Variants in CCDC134 observed in about 807,000 individuals in gnomAD.
The protein encoded by CCDC134 is coiled-coil domain containing 134.
A neutral mutation model predicts 25.6 loss-of-function variants in CCDC134; 27 were observed. The observed-to-expected ratio is 1.05, with a 90% confidence interval of 0.78 to 1.45. The LOEUF (loss-of-function observed/expected upper bound fraction) is 1.45, where lower values mean the gene tolerates loss of function less well. CCDC134 is among the 40% of genes most tolerant of loss of function. The pLI is 0.00. For missense variants in CCDC134, 261 were observed against 286.7 expected (o/e 0.91, Z 0.65); for synonymous variants, 110 against 115.0 (o/e 0.96, Z 0.28).
Position 41,826,463 on chromosome 22 carries a change from C to A in CCDC134, c.*640C>A, listed in dbSNP as rs191226652. On this transcript the variant is annotated 3_prime_UTR_variant, in exon 7 of 7. Coordinates refer to ENST00000255784, the MANE Select transcript of CCDC134 (RefSeq NM_024821.5). ...GGTCCTACGCCATCACTGCCCTTGA[C>A]AAATGATTGGTGTTGGGAAAGGACC... 6.1e-3 allele frequency among the ~76,000 whole-genome samples: 936 copies of A among 152,338 alleles called. 8 individuals carry two copies. Among genetic ancestry groups the A allele is most frequent in the Non-Finnish European group, 7.5e-3 (508 of 68,022 alleles).
At chr22:41,820,864 T>C (rs908283807) in intron 6 of CCDC134, among the ~76,000 whole-genome samples, 3 of 152,036 alleles carry the variant, frequency 2.0e-5, no homozygotes, top group African/African-American at 7.3e-5. Context: ...GCTGGACTTA[T>C]AAATGTGAGA....
At chr22:41,823,948 C>A (rs537573229) in intron 6 of CCDC134, among the ~76,000 whole-genome samples, 1 of 152,316 alleles carries the variant, frequency 6.6e-6, no homozygotes, top group African/African-American at 2.4e-5. Flanking sequence ...TGAACTAAAC[C>A]ACTTTATTCG....
At chr22:41,809,405 T>A (rs1156769402) in intron 2 of CCDC134, among the ~76,000 whole-genome samples, 1 of 152,134 alleles carries the variant, frequency 6.6e-6, no homozygotes, top group Non-Finnish European at 1.5e-5. Flanking sequence ...GGGGAGAAAG[T>A]ATCCAAACAA....
chr22:41,804,169 T>C (rs1602233061), intron 1 of CCDC134, among the ~76,000 whole-genome samples: 1 of 152,272 alleles, frequency 6.6e-6, no homozygotes, highest in South Asian at 2.1e-4. Flanking sequence ...CAAAATGATA[T>C]GGAATCTTGT....
chr22:41,825,630 G>T lies in CCDC134; in HGVS notation c.565-68G>T. On this transcript the variant is annotated intron_variant, in intron 6 of 6. Transcript: ENST00000255784. The surrounding 1 kb of genome is among the most constrained non-coding windows in gnomAD (Gnocchi z 4.4). ...ACCTTCCTATTCCCACACCCCGCTG[G>T]TGGCCTAGCTCAGAGCAGGCTCTTT... 6.3e-7 allele frequency: 1 copy of T among 1,592,280 alleles called. No individual in the cohort carries two copies. Among genetic ancestry groups the T allele is most frequent in the Non-Finnish European group, 8.6e-7 (1 of 1,167,144 alleles).
rs373315857 is a variant in CCDC134, at chr22:41,818,658, G to A, written c.564+4836G>A. 1.1e-4 allele frequency among the ~76,000 whole-genome samples: 17 copies of A among 152,310 alleles called. No homozygotes were observed. In the East Asian group the frequency reaches 1.9e-3, roughly 17 times the overall value. Reference sequence around the variant, plus strand: ...TGGCTTTGCTTTATGTGGCAGAGTCGGGGATGCTGTTTCCTCAGTGGGGTA... The same window carrying A: ...TGGCTTTGCTTTATGTGGCAGAGTCAGGGATGCTGTTTCCTCAGTGGGGTA... On this transcript the variant is annotated intron_variant, in intron 6 of 6. Coordinates refer to ENST00000255784, the MANE Select transcript of CCDC134 (RefSeq NM_024821.5).
At position 41,829,779 on chromosome 22, in the gene CCDC134, T is replaced by C. The variant is rs573793398; in HGVS notation, c.*3956T>C. 8.1e-4 allele frequency among the ~76,000 whole-genome samples: 123 copies of C among 152,082 alleles called. No individual in the cohort carries two copies. Among genetic ancestry groups the C allele is most frequent in the Non-Finnish European group, 1.2e-3 (84 of 68,002 alleles). On this transcript the variant is annotated 3_prime_UTR_variant, in exon 7 of 7. Transcript: ENST00000255784. ...ATCCCTTTTCTTTCTTTCTTTCTTT[T>C]TTTTCTTTTTTTTTGAGACAAGTCT...
chr22:41,809,345 G>A lies in CCDC134; in HGVS notation c.103+352G>A, dbSNP rs535898029. Among the ~76,000 whole-genome samples, 8 of 152,268 alleles carry A rather than the reference G, an allele frequency of 5.3e-5. No homozygotes were observed. The East Asian group carries it at 5.8e-4, about 11-fold the overall frequency. On this transcript the variant is annotated intron_variant, in intron 2 of 6. Transcript: ENST00000255784. Reference sequence around the variant, plus strand: ...GCTCCAGGCCAGGCCTCAAGGACACGAAGATGAATTACAACAAGTCCCCTG... The same window carrying A: ...GCTCCAGGCCAGGCCTCAAGGACACAAAGATGAATTACAACAAGTCCCCTG...
Position 41,820,791 on chromosome 22 carries a change from C to T in CCDC134, c.565-4907C>T, listed in dbSNP as rs79280409. On this transcript the variant is annotated intron_variant, in intron 6 of 6. Coordinates refer to ENST00000255784, the MANE Select transcript of CCDC134 (RefSeq NM_024821.5). ...GTTTTTTTCTGCACCTGGTGAACATCGGAGTAAAGATGTCAAGGAGGTAGC... is the reference window on the plus strand; with the variant it reads ...GTTTTTTTCTGCACCTGGTGAACATTGGAGTAAAGATGTCAAGGAGGTAGC... 8.0e-3 allele frequency among the ~76,000 whole-genome samples: 1,223 copies of T among 152,086 alleles called. 16 individuals carry two copies. Among genetic ancestry groups the T allele is most frequent in the African/African-American group, 0.028 (1,157 of 41,480 alleles).
rs748470126 is a variant in CCDC134 at position 41,829,759 on chromosome 22, T to TTTTC, written c.*3952_*3955dup. Among the ~76,000 whole-genome samples the TTTTC allele has an allele frequency of 9.9e-5, 15 of 152,098 alleles. No individual in the cohort carries two copies. Among genetic ancestry groups the TTTTC allele is most frequent in the East Asian group, 1.9e-4 (1 of 5,192 alleles). On this transcript the variant is annotated 3_prime_UTR_variant, in exon 7 of 7. Transcript: ENST00000255784. Reference sequence around the variant, plus strand: ...GTGGTTACCCAGTCTAATCCATCCCTTTTCTTTCTTTCTTTCTTTTTTTTC... The same window carrying TTTTC: ...GTGGTTACCCAGTCTAATCCATCCCTTTTCTTTCTTTCTTTCTTTCTTTTTTTTC...
intron 1 of CCDC134, among the ~76,000 whole-genome samples, chr22:41,806,214 ATTTTT>A (rs60425249): frequency 8.3e-6 from 1 of 121,002 alleles, no homozygotes. Flanking sequence ...TAGGCGACTA[ATTTTT>A]TTTTTTTTTT....
chr22:41,823,516 G>A lies in CCDC134; in HGVS notation c.565-2182G>A, dbSNP rs534317538. Among the ~76,000 whole-genome samples the A allele has an allele frequency of 1.3e-4, 20 of 152,298 alleles. No homozygotes were observed. In the South Asian group the frequency reaches 2.7e-3, roughly 21 times the overall value. On this transcript the variant is annotated intron_variant, in intron 6 of 6. Transcript: ENST00000255784. The stretch of plus-strand genomic sequence containing the variant: ...GCTGGGATTATAGGCATGAGCCACG[G>A]CGCCCAACTCCAGTCTTCAAAATAA...
At chr22:41,808,269 C>T (rs1415967006) in intron 1 of CCDC134, among the ~76,000 whole-genome samples, 1 of 151,954 alleles carries the variant, frequency 6.6e-6, no homozygotes, top group African/African-American at 2.4e-5. Context: ...AGTAGCAAGC[C>T]CCCTTACCCC....
chr22:41,813,653 C>T, intron 5 of CCDC134, 98 bp from the exon 6 acceptor site: 1 of 1,370,836 alleles, frequency 7.3e-7, no homozygotes. Context: ...CCACATCTGC[C>T]CAAGTCAGGA....
In CCDC134 at chr22:41,829,894, C is replaced by G. The variant is rs2076697239; in HGVS notation, c.*4071C>G. On this transcript the variant is annotated 3_prime_UTR_variant, in exon 7 of 7. Transcript: ENST00000255784. ...GTTCAAGTGATTCTTCTGCCTCAGCCTCCTGAGTAGCTAGGACTACAGGTG... is the reference window on the plus strand; with the variant it reads ...GTTCAAGTGATTCTTCTGCCTCAGCGTCCTGAGTAGCTAGGACTACAGGTG... 6.6e-6 allele frequency among the ~76,000 whole-genome samples: 1 copy of G among 152,164 alleles called. No homozygotes were observed. The highest frequency in any genetic ancestry group is 1.5e-5 in the Non-Finnish European group (1 of 68,032).
chr22:41,815,438 C>T (rs533553990), intron 6 of CCDC134, among the ~76,000 whole-genome samples: 30 of 151,960 alleles, frequency 2.0e-4, no homozygotes, highest in African/African-American at 6.8e-4. Context: ...ATCTCCTGAC[C>T]GCGTGATCCA....
chr22:41,800,710 G>A lies in CCDC134; in HGVS notation c.-73G>A, dbSNP rs903704312. 14 of 152,360 alleles carry A rather than the reference G, an allele frequency of 9.2e-5. No individual in the cohort carries two copies. The highest frequency in any genetic ancestry group is 3.1e-4 in the African/African-American group (13 of 41,468). The allele number at this position is 152,360 out of a possible 1,614,324, so 9.4% of individuals were successfully genotyped here. A position where few individuals can be genotyped will look rare whatever the true frequency, so the allele number is the denominator to read the frequency against. On this transcript the variant is annotated 5_prime_UTR_variant, in exon 1 of 7. Coordinates refer to ENST00000255784, the MANE Select transcript of CCDC134 (RefSeq NM_024821.5). ...TTTGCTGTTAGCCTGTTGGACCTTC[G>A]AGCCTAGCTGCTCGCACAGGACTCG...
chr22:41,830,884 CTTTTT>C lies in CCDC134; in HGVS notation c.*5079_*5083del, dbSNP rs67246997. On this transcript the variant is annotated 3_prime_UTR_variant, in exon 7 of 7. Transcript: ENST00000255784. The stretch of plus-strand genomic sequence containing the variant: ...AGATCCTTATTTTTTCTTTTCTTTT[CTTTTT>C]TTTTTTTTTTTTTTTTTGAGACGCA... Among the ~76,000 whole-genome samples the C allele has an allele frequency of 5.1e-5, 6 of 117,288 alleles. No individual in the cohort carries two copies. Among genetic ancestry groups the C allele is most frequent in the Non-Finnish European group, 8.3e-5 (5 of 60,474 alleles). 76.9% of individuals were successfully genotyped at this position (117,288 alleles called of 152,430 possible).
chr22:41,824,086 C>T (rs1353643312), intron 6 of CCDC134, among the ~76,000 whole-genome samples: 1 of 152,226 alleles, frequency 6.6e-6, no homozygotes, highest in African/African-American at 2.4e-5. Flanking sequence ...AGGACACTAT[C>T]CTCCTACCCT....
Sources: gnomAD v4.1 joint callset for allele counts (sites outside exome capture counted in the v4.1 genomes callset) on GRCh38, gnomAD v4.1.1 for gene constraint, Gnocchi (gnomAD v3.1) non-coding constraint, MANE v1.5 for transcripts, NCBI Gene and HGNC (gene_info 2026-07-23, HGNC 2026-07-21) for gene names.